Variants in PRIM2 observed in about 807,000 individuals in gnomAD.
The protein encoded by PRIM2 is DNA primase subunit 2, also known as DNA primase large subunit.
PRIM2 carries 39 observed loss-of-function variants against 67.3 expected under a neutral mutation model. That is an observed-to-expected ratio of 0.58 (90% CI 0.45 to 0.76). PRIM2 has a LOEUF of 0.76. Among genes scored for constraint, PRIM2 ranks in the 30% least tolerant of loss-of-function variants. The pLI is 0.00. For missense variants in PRIM2, 398 were observed against 598.7 expected, an observed-to-expected ratio of 0.66 and a Z score of 3.50; for synonymous variants, 143 against 198.7, an observed-to-expected ratio of 0.72 and a Z score of 2.36.
chr6:57,349,500 T>C (rs776521279), intron 5 of PRIM2, among the ~76,000 whole-genome samples: 7 of 151,054 alleles, frequency 4.6e-5, no homozygotes, highest in African/African-American at 1.7e-4. Flanking sequence ...ATTCTATTGA[T>C]ATTAAAAAAT....
At chr6:57,340,432 A>G (rs1768433075) in intron 5 of PRIM2, among the ~76,000 whole-genome samples, 3 of 152,300 alleles carry the variant, frequency 2.0e-5, no homozygotes, top group Admixed American at 6.5e-5. Context: ...CACTATTCAC[A>G]ATAGCAAAGA....
At chr6:57,261,423 G>C in the PRIM2 span, among the ~76,000 whole-genome samples, 1 of 152,298 alleles carries the variant, frequency 6.6e-6, no homozygotes, top group African/African-American at 2.4e-5. Flanking sequence ...CTCCCTTTCT[G>C]CTCTCTCTTC....
intron 12 of PRIM2, among the ~76,000 whole-genome samples, chr6:57,611,685 C>T (rs1190359323): frequency 6.6e-6 from 1 of 152,026 alleles, no homozygotes; most frequent in African/African-American, 2.4e-5. Context: ...GTGAAACTTA[C>T]AAAAGAAAAC....
At chr6:57,399,276 T>A (rs1430541040) in intron 7 of PRIM2, among the ~76,000 whole-genome samples, 1 of 152,118 alleles carries the variant, frequency 6.6e-6, no homozygotes, top group Non-Finnish European at 1.5e-5. Flanking sequence ...CACCTATGAG[T>A]GAGAACATGC....
At chr6:57,521,378 T>TTG (rs1774618923) in intron 8 of PRIM2, among the ~76,000 whole-genome samples, 1 of 147,364 alleles carries the variant, frequency 6.8e-6, no homozygotes, top group East Asian at 1.9e-4. Context: ...TTTTTTTTTT[T>TTG]TTTTTTTTTT....
At chr6:57,381,022 A>G (rs2127335899) in intron 6 of PRIM2, among the ~76,000 whole-genome samples, 1 of 151,768 alleles carries the variant, frequency 6.6e-6, no homozygotes, top group South Asian at 2.1e-4. Context: ...ACTAGAACTC[A>G]TGTTTCTTCC....
chr6:57,503,191 C>A (rs1581957437), intron 7 of PRIM2, among the ~76,000 whole-genome samples: 5 of 152,062 alleles, frequency 3.3e-5, no homozygotes, highest in Admixed American at 2.6e-4. Context: ...GAGGTTCCTG[C>A]CCTGACAGAG....
At chr6:57,268,109 G>C in the PRIM2 span, among the ~76,000 whole-genome samples, 4 of 152,146 alleles carry the variant, frequency 2.6e-5, no homozygotes, top group Non-Finnish European at 4.4e-5. Flanking sequence ...CATTCCTAAA[G>C]TATTAGGTGG....
intron 5 of PRIM2, among the ~76,000 whole-genome samples, chr6:57,375,454 C>T (rs1581841414): frequency 6.6e-6 from 1 of 152,166 alleles, no homozygotes; most frequent in East Asian, 1.9e-4. Context: ...TGATGTGCTG[C>T]TGGATTCGGT....
chr6:57,625,533 A>G (rs1287395676), intron 12 of PRIM2, among the ~76,000 whole-genome samples: 1 of 152,158 alleles, frequency 6.6e-6, no homozygotes, highest in Non-Finnish European at 1.5e-5. Flanking sequence ...TTGAATCATG[A>G]TGAAAAGTTT....
At chr6:57,564,093 T>C (rs1362565904) in intron 10 of PRIM2, among the ~76,000 whole-genome samples, 1 of 152,234 alleles carries the variant, frequency 6.6e-6, no homozygotes, top group Non-Finnish European at 1.5e-5. Flanking sequence ...AGGAGTGATG[T>C]AGTTTTAATT....
chr6:57,386,569 C>T (rs955154229), intron 7 of PRIM2, among the ~76,000 whole-genome samples: 4 of 151,034 alleles, frequency 2.6e-5, no homozygotes, highest in African/African-American at 4.9e-5. Context: ...GGTTCAGGGC[C>T]GAGCCTGGTT....
intron 9 of PRIM2, among the ~76,000 whole-genome samples, chr6:57,534,918 C>T (rs1774972584): frequency 6.6e-6 from 1 of 152,144 alleles, no homozygotes; most frequent in African/African-American, 2.4e-5. Context: ...AGTACCTCTC[C>T]CCTAATCACA....
chr6:57,328,439 C>T (rs951687523), intron 5 of PRIM2, among the ~76,000 whole-genome samples: 2 of 152,200 alleles, frequency 1.3e-5, no homozygotes, highest in Admixed American at 1.3e-4. Context: ...TAAATGGAGT[C>T]ATACAATATG....
At chr6:57,563,727 C>T (rs1214073973) in intron 10 of PRIM2, among the ~76,000 whole-genome samples, 1 of 152,174 alleles carries the variant, frequency 6.6e-6, no homozygotes, top group African/African-American at 2.4e-5. Flanking sequence ...CTGCAACCTC[C>T]GCCTCCTGGG....
At chr6:57,555,187 G>T (rs1469138667) in intron 10 of PRIM2, among the ~76,000 whole-genome samples, 1 of 152,176 alleles carries the variant, frequency 6.6e-6, no homozygotes, top group Non-Finnish European at 1.5e-5. Flanking sequence ...GCTATCCTTT[G>T]GCATGGTTGA....
chr6:57,626,862 G>A (rs1201936913), intron 12 of PRIM2, among the ~76,000 whole-genome samples: 1 of 152,008 alleles, frequency 6.6e-6, no homozygotes, highest in Non-Finnish European at 1.5e-5. Context: ...CTGGACTTAA[G>A]CAATCCACCT....
intron 7 of PRIM2, among the ~76,000 whole-genome samples, chr6:57,391,843 G>A (rs1427376234): frequency 6.6e-6 from 1 of 151,982 alleles, no homozygotes; most frequent in Admixed American, 6.6e-5. Context: ...TGGCTATTCG[G>A]ACTCTTTTTT....
chr6:57,635,622 A>T (rs1777105434), intron 13 of PRIM2, among the ~76,000 whole-genome samples: 2 of 152,210 alleles, frequency 1.3e-5, no homozygotes, highest in Non-Finnish European at 2.9e-5. Context: ...TTTCCCCACC[A>T]TATAAATCTC....
Sources: gnomAD v4.1 joint callset for allele counts (sites outside exome capture counted in the v4.1 genomes callset) on GRCh38, gnomAD v4.1.1 for gene constraint, MANE v1.5 for transcripts, NCBI Gene and HGNC (gene_info 2026-07-23, HGNC 2026-07-21) for gene names.